The following NR2F1-AS1 variants were observed in gnomAD, a reference collection of about 807,000 sequenced individuals.
NR2F1-AS1 encodes NR2F1 regulatory antisense RNA 1, also known as NR2F1 antisense RNA 1.
intron 4 of NR2F1-AS1, among the ~76,000 whole-genome samples, chr5:93,532,582 T>C (rs1418117885): frequency 6.6e-6 from 1 of 152,254 alleles, no homozygotes; most frequent in Non-Finnish European, 1.5e-5. Flanking sequence ...CTTTGACCTG[T>C]GGCCCAGCTA....
In NR2F1-AS1 at chr5:93,556,781, T is replaced by G. The variant is rs146030878; in HGVS notation, n.414-1786A>C. 1.4e-3 allele frequency among the ~76,000 whole-genome samples: 210 copies of G among 152,228 alleles called. 1 individual carries two copies. The highest frequency in any genetic ancestry group is 4.9e-3 in the African/African-American group (204 of 41,552). ...GGAACAGATTCTCCCTCATACCCCT[T>G]AGAAAGAACCAACACCTTGATCTCA... On this transcript the variant is annotated intron_variant and non_coding_transcript_variant, in intron 2 of 5. Coordinates refer to ENST00000660523, the Ensembl canonical transcript of NR2F1-AS1.
chr5:93,578,085 A>G (rs534616304), intron 1 of NR2F1-AS1, among the ~76,000 whole-genome samples: 1 of 152,318 alleles, frequency 6.6e-6, no homozygotes, highest in Admixed American at 6.5e-5. Context: ...TTAGTGAAAA[A>G]TGGTTCAGCC....
At chr5:93,580,268 TCGCCTTAGCGCTACGGCGAGACAGAGGC>T (rs1280198884) in intron 1 of NR2F1-AS1, among the ~76,000 whole-genome samples, 1 of 152,226 alleles carries the variant, frequency 6.6e-6, no homozygotes, top group African/African-American at 2.4e-5. Flanking sequence ...GCCGCGATCC[TCGCCTTAGCGCTACGGCGAGACAGAGGC>T]CGAGCGAGGG....
chr5:93,496,596 C>T (rs1750964904), intron 4 of NR2F1-AS1, among the ~76,000 whole-genome samples: 1 of 152,138 alleles, frequency 6.6e-6, no homozygotes, highest in South Asian at 2.1e-4. Flanking sequence ...ATGTTTTCTA[C>T]ATCTATTTGT....
At chr5:93,524,854 G>A (rs371360109) in intron 4 of NR2F1-AS1, among the ~76,000 whole-genome samples, 4 of 152,004 alleles carry the variant, frequency 2.6e-5, no homozygotes, top group South Asian at 2.1e-4. Context: ...GCTCCTGAAG[G>A]AAGCACTAAA....
At chr5:93,537,218 G>A (rs1023892533) in intron 4 of NR2F1-AS1, among the ~76,000 whole-genome samples, 6 of 152,058 alleles carry the variant, frequency 3.9e-5, no homozygotes, top group African/African-American at 1.4e-4. Flanking sequence ...AAAATATAGG[G>A]GAGATGCTTA....
intron 4 of NR2F1-AS1, among the ~76,000 whole-genome samples, chr5:93,416,441 C>G (rs1179207422): frequency 6.6e-6 from 1 of 151,996 alleles, no homozygotes; most frequent in African/African-American, 2.4e-5. Context: ...GAGATTATAT[C>G]TAGAATAAGA....
chr5:93,430,627 C>T (rs143097218), intron 4 of NR2F1-AS1, among the ~76,000 whole-genome samples: 130 of 152,272 alleles, frequency 8.5e-4, no homozygotes, highest in African/African-American at 3.1e-3. Flanking sequence ...AAAATTCTCA[C>T]ATCAATTCTT....
At chr5:93,433,017 G>C (rs754960819) in intron 4 of NR2F1-AS1, among the ~76,000 whole-genome samples, 8 of 152,056 alleles carry the variant, frequency 5.3e-5, no homozygotes, top group Non-Finnish European at 1.0e-4. Flanking sequence ...TGTTCATTTT[G>C]ATATATGCAT....
intron 4 of NR2F1-AS1, among the ~76,000 whole-genome samples, chr5:93,524,292 A>G (rs1262016805): frequency 1.3e-5 from 2 of 152,036 alleles, no homozygotes; most frequent in Non-Finnish European, 2.9e-5. Context: ...GAAAGCATGA[A>G]GACATGATTA....
chr5:93,572,097 A>G (rs554724486), intron 1 of NR2F1-AS1, among the ~76,000 whole-genome samples: 1 of 152,310 alleles, frequency 6.6e-6, no homozygotes, highest in African/African-American at 2.4e-5. Flanking sequence ...GTAAATCCCA[A>G]TACGCCTGGC....
intron 4 of NR2F1-AS1, among the ~76,000 whole-genome samples, chr5:93,510,090 C>G (rs548241035): frequency 1.3e-5 from 2 of 151,874 alleles, no homozygotes; most frequent in African/African-American, 4.8e-5. Context: ...TGGAGACAAA[C>G]GTGAATTTAT....
intron 4 of NR2F1-AS1, among the ~76,000 whole-genome samples, chr5:93,412,456 T>G (rs1201600644): frequency 6.6e-6 from 1 of 152,210 alleles, no homozygotes; most frequent in Non-Finnish European, 1.5e-5. Flanking sequence ...GAGCAGACCA[T>G]AGAGAAGCAA....
At chr5:93,585,578 T>C, upstream of NR2F1-AS1, 2 of 1,038,298 alleles carry the variant, frequency 1.9e-6, no homozygotes, top group Non-Finnish European at 2.8e-6. Context: ...TGTGTGGGGC[T>C]GGGGCTCCTG....
intron 4 of NR2F1-AS1, among the ~76,000 whole-genome samples, chr5:93,519,417 T>C (rs1347680050): frequency 6.6e-6 from 1 of 151,940 alleles, no homozygotes; most frequent in Non-Finnish European, 1.5e-5. Context: ...ATAGAAAACA[T>C]AAAGATATAT....
chr5:93,559,331 G>A (rs921808678), intron 2 of NR2F1-AS1, among the ~76,000 whole-genome samples: 1 of 152,176 alleles, frequency 6.6e-6, no homozygotes, highest in South Asian at 2.1e-4. Context: ...TCACAGAATC[G>A]AAGAGAGTTA....
chr5:93,418,770 A>G (rs2149841417), intron 4 of NR2F1-AS1, among the ~76,000 whole-genome samples: 2 of 151,638 alleles, frequency 1.3e-5, no homozygotes, highest in African/African-American at 4.8e-5. Flanking sequence ...TTCACTTCCA[A>G]CTCTCTTGGC....
At chr5:93,541,090 A>G (rs1751940871) in intron 4 of NR2F1-AS1, among the ~76,000 whole-genome samples, 1 of 152,098 alleles carries the variant, frequency 6.6e-6, no homozygotes, top group South Asian at 2.1e-4. Flanking sequence ...CTACCCTTGT[A>G]TTTGAGTTAA....
chr5:93,577,265 A>T (rs1752917825), intron 1 of NR2F1-AS1, among the ~76,000 whole-genome samples: 1 of 152,254 alleles, frequency 6.6e-6, no homozygotes, highest in Admixed American at 6.5e-5. Context: ...GAGATAGAAA[A>T]CTAAACTAAG....
Sources: allele counts gnomAD v4.1 joint callset (sites outside exome capture counted in the v4.1 genomes callset), GRCh38; gene constraint gnomAD v4.1.1; transcripts MANE v1.5; gene names NCBI Gene and HGNC (gene_info 2026-07-23, HGNC 2026-07-21).